Variants in MAPK10 observed in about 807,000 individuals in gnomAD.
MAPK10 encodes JNK3 alpha protein kinase.
Under a neutral mutation model 59.3 loss-of-function variants are expected in MAPK10, and 25 were observed. The ratio of observed to expected loss-of-function variants is 0.42; its 90% CI spans 0.31 to 0.59. MAPK10 has a LOEUF of 0.59. Ranked by LOEUF, MAPK10 falls within the 20% of genes least tolerant of loss-of-function variation. MAPK10 has a pLI of 0.15. For synonymous variants in MAPK10, 190 were observed against 200.5 expected, an observed-to-expected ratio of 0.95 and a Z score of 0.44; for missense variants, 351 against 568.9, an observed-to-expected ratio of 0.62 and a Z score of 3.90.
intron 1 of MAPK10, among the ~76,000 whole-genome samples, chr4:86,412,606 T>G (rs1461580004): frequency 2.0e-5 from 3 of 152,220 alleles, no homozygotes; most frequent in Admixed American, 2.0e-4. Flanking sequence ...TTTCTTTTCA[T>G]TCTTTTTTCT....
rs1259746736 is a variant in MAPK10 at position 86,234,987 on chromosome 4, A to T, written c.-6-40580T>A. 3.3e-5 allele frequency among the ~76,000 whole-genome samples: 5 copies of T among 152,294 alleles called. No individual in the cohort carries two copies. The East Asian group carries it at 9.6e-4, about 29-fold the overall frequency. On this transcript the variant is annotated intron_variant, in intron 2 of 13. Coordinates refer to ENST00000641462, the MANE Select transcript of MAPK10 (RefSeq NM_138982.4). ...GAGTTTTAGAAAATCATACCAGATC[A>T]TCTCTCCTTTACCCTTGTGCTACAT... is the stretch of plus-strand genomic sequence containing the variant.
At chr4:86,063,459 T>C (rs2046108984) in intron 11 of MAPK10, among the ~76,000 whole-genome samples, 1 of 152,170 alleles carries the variant, frequency 6.6e-6, no homozygotes, top group Admixed American at 6.5e-5. Flanking sequence ...TTCTCATGTT[T>C]AAGGGAGAAG....
chr4:86,306,113 A>G (rs1324988315), intron 2 of MAPK10, among the ~76,000 whole-genome samples: 5 of 152,234 alleles, frequency 3.3e-5, no homozygotes, highest in African/African-American at 1.2e-4. Context: ...TATCAGATTT[A>G]CTGTATCAGA....
intron 1 of MAPK10, among the ~76,000 whole-genome samples, chr4:86,445,870 T>C (rs1262681271): frequency 6.6e-6 from 1 of 152,022 alleles, no homozygotes; most frequent in Non-Finnish European, 1.5e-5. Flanking sequence ...TGAAAGAATG[T>C]CTTCAGAGAG....
chr4:86,044,845 T>C, intron 11 of MAPK10: 1 of 396,936 alleles, frequency 2.5e-6, no homozygotes, highest in East Asian at 3.6e-5. Context: ...CAGTTTGCAA[T>C]GAAAGATTTT....
At chr4:86,429,388 G>A (rs1226760044) in intron 1 of MAPK10, among the ~76,000 whole-genome samples, 1 of 152,064 alleles carries the variant, frequency 6.6e-6, no homozygotes, top group Non-Finnish European at 1.5e-5. Flanking sequence ...ATAAATGAAG[G>A]CAAGTCCTAA....
At chr4:86,569,681 T>C (rs1411703949) in intron 1 of MAPK10, among the ~76,000 whole-genome samples, 1 of 152,108 alleles carries the variant, frequency 6.6e-6, no homozygotes, top group African/African-American at 2.4e-5. Context: ...CCATTATCCT[T>C]AGTGAAATGA....
intron 1 of MAPK10, among the ~76,000 whole-genome samples, chr4:86,498,499 T>C (rs1242120726): frequency 6.6e-6 from 1 of 152,160 alleles, no homozygotes; most frequent in African/African-American, 2.4e-5. Flanking sequence ...TGGTTGTGGC[T>C]TTTAGATAAG....
chr4:86,022,683 A>AT (rs939868350), intron 13 of MAPK10, among the ~76,000 whole-genome samples: 4 of 152,062 alleles, frequency 2.6e-5, no homozygotes, highest in Non-Finnish European at 5.9e-5. Context: ...TAAAAAAAAG[A>AT]TTTTTTGTAG....
intron 2 of MAPK10, among the ~76,000 whole-genome samples, chr4:86,256,585 T>C (rs1202993955): frequency 1.3e-5 from 2 of 151,898 alleles, no homozygotes; most frequent in Admixed American, 6.6e-5. Context: ...ACCTAGATTT[T>C]TTTCTGAGCA....
intron 2 of MAPK10, among the ~76,000 whole-genome samples, chr4:86,256,417 T>C (rs2093710238): frequency 6.6e-6 from 1 of 152,180 alleles, no homozygotes; most frequent in Non-Finnish European, 1.5e-5. Flanking sequence ...CTCCTTCAAT[T>C]ATCCTGTTTT....
At chr4:86,552,526 G>GAAGA (rs1759927904) in intron 1 of MAPK10, among the ~76,000 whole-genome samples, 1 of 143,824 alleles carries the variant, frequency 7.0e-6, no homozygotes, top group Admixed American at 7.0e-5. Context: ...AGGAAGGAAG[G>GAAGA]AAGGAAGGAA....
intron 1 of MAPK10, among the ~76,000 whole-genome samples, chr4:86,429,402 T>G (rs945776607): frequency 1.3e-5 from 2 of 152,130 alleles, no homozygotes; most frequent in African/African-American, 4.8e-5. Context: ...GTCCTAATAT[T>G]ATTAAAAAAG....
At chr4:86,281,401 T>A (rs2094797954) in intron 2 of MAPK10, among the ~76,000 whole-genome samples, 1 of 152,078 alleles carries the variant, frequency 6.6e-6, no homozygotes, top group South Asian at 2.1e-4. Context: ...CTTGGGAGAC[T>A]GAGGCTGGAG....
At chr4:86,519,714 G>C (rs1457809294) in intron 1 of MAPK10, among the ~76,000 whole-genome samples, 1 of 152,080 alleles carries the variant, frequency 6.6e-6, no homozygotes, top group African/African-American at 2.4e-5. Flanking sequence ...TACGTCTTGT[G>C]AGATTTATGC....
intron 1 of MAPK10, among the ~76,000 whole-genome samples, chr4:86,512,902 G>A (rs1386731329): frequency 6.6e-5 from 10 of 152,132 alleles, no homozygotes. Context: ...TCCTCAGACA[G>A]CTTTTCCCAA....
chr4:86,101,558 C>T, intron 7 of MAPK10: 1 of 381,388 alleles, frequency 2.6e-6, no homozygotes, highest in South Asian at 4.1e-5. Flanking sequence ...GACAGAAGAA[C>T]AGATCAGGGA....
chr4:86,400,039 T>A (rs892805189), intron 1 of MAPK10, among the ~76,000 whole-genome samples: 1 of 152,190 alleles, frequency 6.6e-6, no homozygotes, highest in African/African-American at 2.4e-5. Flanking sequence ...TGGTATATGT[T>A]GCTAATACAT....
chr4:86,289,397 C>T (rs370124917), intron 2 of MAPK10, among the ~76,000 whole-genome samples: 3 of 151,854 alleles, frequency 2.0e-5, no homozygotes, highest in African/African-American at 7.3e-5. Context: ...TTTTAAAAGA[C>T]CATTCTAGAT....
Sources: gnomAD v4.1 joint callset for allele counts (sites outside exome capture counted in the v4.1 genomes callset) on GRCh38, gnomAD v4.1.1 for gene constraint, MANE v1.5 for transcripts, NCBI Gene and HGNC (gene_info 2026-07-23, HGNC 2026-07-21) for gene names.